The following SGCD variants were observed in gnomAD, a reference collection of about 807,000 sequenced individuals.
SGCD encodes the protein delta-sarcoglycan.
SGCD carries 18 observed loss-of-function variants against 36.6 expected under a neutral mutation model. That is an observed-to-expected ratio of 0.49 (90% confidence interval 0.34 to 0.73). SGCD has a LOEUF of 0.73. Among genes scored for constraint, SGCD ranks in the 30% least tolerant of loss-of-function variants. The probability of loss-of-function intolerance (pLI) is 0.01; values close to 1 mark genes in which losing one functional copy is unlikely to be tolerated. For missense variants in SGCD, 387 were observed against 346.7 expected (o/e 1.12, Z -0.92); for synonymous variants, 133 against 130.6 (o/e 1.02, Z -0.12).
the SGCD span, among the ~76,000 whole-genome samples, chr5:155,734,682 G>A: frequency 6.6e-6 from 1 of 152,356 alleles, no homozygotes; most frequent in South Asian, 2.1e-4. Flanking sequence ...GAATGTTGAA[G>A]AGAAGAGTGG....
In SGCD at chr5:156,113,985, A is replaced by G. The variant is rs940126395; in HGVS notation, c.-281-3893A>G. Among the ~76,000 whole-genome samples the G allele has an allele frequency of 2.0e-5, 3 of 152,042 alleles. No individual in the cohort carries two copies. In the East Asian group the frequency reaches 5.8e-4, roughly 30 times the overall value. ...AAAAACTTTGGAGATGGTAGTTGCT[A>G]GGGGCTTGTGGGGAGGGAGGGATAA... On this transcript the variant is annotated intron_variant, in intron 1 of 9. Coordinates refer to the SGCD transcript ENST00000517913.
At chr5:155,799,972 C>T in the SGCD span, among the ~76,000 whole-genome samples, 3 of 151,284 alleles carry the variant, frequency 2.0e-5, no homozygotes, top group Non-Finnish European at 4.4e-5. Context: ...GCATGCAACA[C>T]CATGCCCAGC....
intron 4 of SGCD, among the ~76,000 whole-genome samples, chr5:156,571,370 A>AT (rs200317789): frequency 0.018 from 2,720 of 151,534 alleles, 32 homozygotes; most frequent in Non-Finnish European, 0.03. Context: ...TTTTAAACAT[A>AT]TTTTTTTTGG....
At chr5:156,148,344 G>T (rs1330677694) in intron 3 of SGCD, among the ~76,000 whole-genome samples, 1 of 152,084 alleles carries the variant, frequency 6.6e-6, no homozygotes, top group Non-Finnish European at 1.5e-5. Flanking sequence ...AGTGCTTGGA[G>T]TGCCTGTCCA....
intron 3 of SGCD, among the ~76,000 whole-genome samples, chr5:156,267,791 C>T (rs1460034860): frequency 6.6e-6 from 1 of 152,124 alleles, no homozygotes; most frequent in East Asian, 1.9e-4. Context: ...ACAATTTGAC[C>T]AAGGCAAATT....
At chr5:155,891,803 G>A (rs1756138117) in intron 1 of SGCD, among the ~76,000 whole-genome samples, 1 of 151,666 alleles carries the variant, frequency 6.6e-6, no homozygotes, top group Non-Finnish European at 1.5e-5. Context: ...CCCTACCTGT[G>A]TTTTTCTATT....
rs372553704 is a variant in SGCD at position 156,141,518 on chromosome 5, GATT to G, written c.-44+17505_-44+17507del. On this transcript the variant is annotated intron_variant, in intron 3 of 9. Coordinates refer to the SGCD transcript ENST00000517913. Reference sequence around the variant, plus strand: ...GAGGGCAGGACACAGGGTCAAAGAAGATTATTATCCTTAAGCCTTAAGATTTAT... The same window carrying G: ...GAGGGCAGGACACAGGGTCAAAGAAGATTATCCTTAAGCCTTAAGATTTAT... Among the ~76,000 whole-genome samples the G allele has an allele frequency of 1.8e-3, 272 of 152,328 alleles. 2 individuals are homozygous for G. The highest frequency in any genetic ancestry group is 6.2e-3 in the African/African-American group (257 of 41,586).
At chr5:156,730,819 G>A (rs574411052) in intron 7 of SGCD, among the ~76,000 whole-genome samples, 97 of 152,014 alleles carry the variant, frequency 6.4e-4, no homozygotes, top group Admixed American at 7.2e-4. Flanking sequence ...AGGAATTGCC[G>A]CACTGTCTTC....
chr5:156,521,547 A>G (rs114993688), intron 4 of SGCD, among the ~76,000 whole-genome samples: 2,181 of 152,346 alleles, frequency 0.014, 22 homozygotes, highest in Non-Finnish European at 0.024. Flanking sequence ...GGACACGAAC[A>G]GACAGTTCTC....
At chr5:156,284,998 C>A (rs576727264) in intron 3 of SGCD, among the ~76,000 whole-genome samples, 1 of 152,186 alleles carries the variant, frequency 6.6e-6, no homozygotes, top group South Asian at 2.1e-4. Flanking sequence ...AATCAATGTG[C>A]AAAAATCACA....
chr5:155,788,872 C>A, the SGCD span, among the ~76,000 whole-genome samples: 2 of 151,978 alleles, frequency 1.3e-5, no homozygotes, highest in African/African-American at 2.4e-5. Flanking sequence ...TTTTAATGGG[C>A]AGAGAATGAT....
At chr5:156,178,058 G>A (rs1763515061) in intron 3 of SGCD, among the ~76,000 whole-genome samples, 2 of 152,076 alleles carry the variant, frequency 1.3e-5, no homozygotes, top group African/African-American at 4.8e-5. Context: ...CTACAGTTTG[G>A]CAGAATGATC....
rs77869691 is a variant in SGCD at position 156,180,234 on chromosome 5, T to C, written c.-44+56215T>C. Among the ~76,000 whole-genome samples the C allele has an allele frequency of 1.7e-3, 262 of 152,316 alleles. 1 individual carries two copies. The highest frequency in any genetic ancestry group is 3.0e-3 in the Non-Finnish European group (205 of 68,028). ...GTCTGATCACAAACATATACAAAAATTGCTAAGAAATTACAGCAAACCATA... is the reference window on the plus strand; with the variant it reads ...GTCTGATCACAAACATATACAAAAACTGCTAAGAAATTACAGCAAACCATA... On this transcript the variant is annotated intron_variant, in intron 3 of 9. Coordinates refer to the SGCD transcript ENST00000517913.
At chr5:156,365,563 G>T (rs374235655) in intron 3 of SGCD, among the ~76,000 whole-genome samples, 1 of 152,102 alleles carries the variant, frequency 6.6e-6, no homozygotes, top group Admixed American at 6.6e-5. Context: ...TTGTTTTTGA[G>T]TTCATCTGCA....
At chr5:155,885,157 G>A (rs1434547942) in intron 1 of SGCD, among the ~76,000 whole-genome samples, 1 of 116,798 alleles carries the variant, frequency 8.6e-6, no homozygotes, top group Non-Finnish European at 1.6e-5. Flanking sequence ...GATGGTATAT[G>A]TTCACTTTTT....
intron 3 of SGCD, among the ~76,000 whole-genome samples, chr5:156,128,912 G>A (rs938622713): frequency 6.6e-6 from 1 of 152,014 alleles, no homozygotes; most frequent in African/African-American, 2.4e-5. Flanking sequence ...ATAATAACAT[G>A]GACAAATCTC....
At chr5:155,917,134 C>A (rs566352667) in intron 1 of SGCD, among the ~76,000 whole-genome samples, 1 of 152,066 alleles carries the variant, frequency 6.6e-6, no homozygotes, top group African/African-American at 2.4e-5. Flanking sequence ...CTCTTTTGAC[C>A]CCCAGACATG....
chr5:156,363,959 G>A (rs750649631), intron 3 of SGCD, among the ~76,000 whole-genome samples: 3 of 152,154 alleles, frequency 2.0e-5, no homozygotes, highest in Non-Finnish European at 2.9e-5. Context: ...AGGTCTGGAC[G>A]AATAACTGTA....
intron 3 of SGCD, among the ~76,000 whole-genome samples, chr5:156,296,294 G>C (rs1490520247): frequency 6.6e-6 from 1 of 152,160 alleles, no homozygotes; most frequent in Non-Finnish European, 1.5e-5. Flanking sequence ...GAACTGGAAG[G>C]AGGCAGAGAA....
Sources: gnomAD v4.1 joint callset for allele counts (sites outside exome capture counted in the v4.1 genomes callset) on GRCh38, gnomAD v4.1.1 for gene constraint, MANE v1.5 for transcripts, NCBI Gene and HGNC (gene_info 2026-07-23, HGNC 2026-07-21) for gene names.